The following ATXN3 variants were observed in gnomAD, a reference collection of about 807,000 sequenced individuals.
The protein encoded by ATXN3 is ataxin-3.
Under a neutral mutation model 58.2 loss-of-function variants are expected in ATXN3, and 28 were observed. That is an observed-to-expected ratio of 0.48 (90% confidence interval 0.36 to 0.66). ATXN3 has a LOEUF of 0.66. Ranked by LOEUF, ATXN3 falls within the 30% of genes least tolerant of loss-of-function variation. The pLI, the probability that ATXN3 is intolerant of heterozygous loss-of-function variation, is 0.00. For missense variants in ATXN3, 321 were observed against 422.1 expected (o/e 0.76, Z 2.10); for synonymous variants, 113 against 138.5 (o/e 0.82, Z 1.29).
intron 1 of ATXN3, among the ~76,000 whole-genome samples, chr14:92,100,155 T>C (rs1438891473): frequency 6.6e-6 from 1 of 152,208 alleles, no homozygotes; most frequent in Non-Finnish European, 1.5e-5. Context: ...AACTGTTGTA[T>C]ACTACTGATG....
chr14:92,104,803 A>T (rs1010694658), intron 1 of ATXN3, among the ~76,000 whole-genome samples: 3 of 151,846 alleles, frequency 2.0e-5, no homozygotes, highest in Non-Finnish European at 4.4e-5. Flanking sequence ...GGCGCCTGTA[A>T]TCTCAGCTAC....
chr14:92,096,725 C>T lies in ATXN3; in HGVS notation c.138G>A (p.Met46Ile). 6.2e-7 allele frequency: 1 copy of T among 1,613,986 alleles called. No homozygotes were observed. Among genetic ancestry groups the T allele is most frequent in the Non-Finnish European group, 8.5e-7 (1 of 1,179,954 alleles). The stretch of plus-strand genomic sequence containing the variant: ...TAGTAACTCCTCCTTCTGCCATTCT[C>T]ATCCTCTCCTCCTCATCCAGCTGAT... Reference protein sequence around the residue: ...IAHQLDEEERMRMAEGGVTSE... With the variant: ...IAHQLDEEERIRMAEGGVTSE... The change falls in exon 2 of 11, where the codon ATG becomes ATA. Residue 46 changes from methionine to isoleucine, a missense_variant. Physicochemically the swap from Met to Ile is conservative, Grantham distance 10. Transcript: ENST00000644486.
chr14:92,090,485 G>A (rs150736485), intron 5 of ATXN3: 1 of 152,196 alleles, frequency 6.6e-6, no homozygotes, highest in East Asian at 1.9e-4. Flanking sequence ...TAAAGTTAAC[G>A]ATCAATATCA....
Position 92,071,072 on chromosome 14 carries a change from A to C in ATXN3, c.873-19T>G. The C allele has an allele frequency of 8.5e-7, 1 of 1,175,336 alleles. No homozygotes were observed. The highest frequency in any genetic ancestry group is 2.6e-4 in the Middle Eastern group (1 of 3,876). The allele number at this position is 1,175,336 out of a possible 1,614,324, so 72.8% of individuals were successfully genotyped here. A position where few individuals can be genotyped will look rare whatever the true frequency, so the allele number is the denominator to read the frequency against. ...CTGCTGTCTGAAACATTCAAAAGTGAAGTATATTTAAAAAACAAAACTTAA... is the reference window on the plus strand; with the variant it reads ...CTGCTGTCTGAAACATTCAAAAGTGCAGTATATTTAAAAAACAAAACTTAA... On this transcript the variant is annotated intron_variant, in intron 9 of 10. Transcript: ENST00000644486.
intron 3 of ATXN3, among the ~76,000 whole-genome samples, chr14:92,094,177 T>C (rs2064617901): frequency 6.6e-6 from 1 of 152,108 alleles, no homozygotes; most frequent in Non-Finnish European, 1.5e-5. Flanking sequence ...CCTGACCTTG[T>C]GATCCACCCG....
At chr14:92,104,922 CAA>C (rs11308589) in intron 1 of ATXN3, among the ~76,000 whole-genome samples, 28,482 of 124,696 alleles carry the variant, frequency 0.23, 3,058 homozygotes, top group Admixed American at 0.33. Context: ...AACTCCATCT[CAA>C]AAAAAAAAAA....
chr14:92,081,542 A>G (rs1302320662), intron 8 of ATXN3, among the ~76,000 whole-genome samples: 1 of 151,684 alleles, frequency 6.6e-6, no homozygotes, highest in African/African-American at 2.4e-5. Context: ...CTGCTAATCC[A>G]GCAGGACTCT....
At chr14:92,082,061 T>C (rs1217744859) in intron 8 of ATXN3, among the ~76,000 whole-genome samples, 1 of 152,246 alleles carries the variant, frequency 6.6e-6, no homozygotes, top group African/African-American at 2.4e-5. Context: ...ATTGTGTTAG[T>C]ACAGTGTTGA....
At chr14:92,077,693 T>C (rs970652197) in intron 9 of ATXN3, 2 of 150,826 alleles carry the variant, frequency 1.3e-5, no homozygotes, top group African/African-American at 4.9e-5. Context: ...TCACCCAGGA[T>C]AGAGTGCAGT....
chr14:92,047,000 A>G (rs2057430853), intron 2 of ATXN3, among the ~76,000 whole-genome samples: 1 of 152,238 alleles, frequency 6.6e-6, no homozygotes, highest in Admixed American at 6.5e-5. Flanking sequence ...ATATTGAATA[A>G]GGTGAGAAGC....
At chr14:92,088,858 A>C in intron 5 of ATXN3, 41 bp from the exon 6 acceptor site, 4 of 1,137,654 alleles carry the variant, frequency 3.5e-6, no homozygotes, top group Non-Finnish European at 5.3e-6. Context: ...TGTATATTAT[A>C]GGTAATAAGG....
At chr14:92,054,306 G>T (rs1478515151), downstream of ATXN3, among the ~76,000 whole-genome samples, 1 of 152,168 alleles carries the variant, frequency 6.6e-6, no homozygotes. Context: ...AGATGGTTAA[G>T]GCATTCTAAG....
intron 3 of ATXN3, among the ~76,000 whole-genome samples, chr14:92,095,271 G>A (rs1211105736): frequency 6.6e-6 from 1 of 152,022 alleles, no homozygotes; most frequent in Non-Finnish European, 1.5e-5. Flanking sequence ...TTGAGATGGA[G>A]TCTCGCTCTG....
chr14:92,046,015 A>G (rs1382947785), intron 2 of ATXN3, among the ~76,000 whole-genome samples: 1 of 152,170 alleles, frequency 6.6e-6, no homozygotes, highest in Non-Finnish European at 1.5e-5. Flanking sequence ...AGCGGCCTTG[A>G]GAAGAGTTTT....
rs2065215053 is a variant in ATXN3, at chr14:92,096,253, A to C, written c.190-116T>G. 7 of 1,594,794 alleles carry C rather than the reference A, an allele frequency of 4.4e-6. No individual in the cohort carries two copies. In the South Asian group the frequency reaches 6.7e-5, roughly 15 times the overall value. On this transcript the variant is annotated intron_variant, in intron 2 of 10. Transcript: ENST00000644486. ...TTGTGCATTCCCATTTCCAAAGTTA[A>C]CAGCACAGTTATAATTCACCAGTCA...
At chr14:92,071,131 A>G (rs963867571) in intron 9 of ATXN3, 78 bp from the exon 10 acceptor site, 73 of 1,517,340 alleles carry the variant, frequency 4.8e-5, no homozygotes, top group Middle Eastern at 3.4e-4. Flanking sequence ...AACTATTCAT[A>G]AGGAAAATAC....
rs778200373 is a variant in ATXN3, at chr14:92,070,973, C to G, written c.953G>C (p.Arg318Thr). Residue 318 changes from arginine (R) to threonine (T), a missense_variant, in exon 10 of 11, where the codon AGG (arginine) becomes ACG (threonine). By Grantham distance (71) the Arg-to-Thr change is moderately conservative. Around this residue, in one of 2 missense-constraint regions of ATXN3, gnomAD observed 200 missense variants for 223.2 expected, o/e 0.90. Transcript: ENST00000644486. ...AAGTGCTCCTGAACTGGTGGCTGGC[C>G]TTTCACATGGATGTGAACTCTGTCC... ...LSGQSSHPCE[R>T]PATSSGALGS... is the part of the protein sequence containing the mutation. 3.9e-5 allele frequency: 50 copies of G among 1,288,208 alleles called. No individual in the cohort carries two copies. The highest frequency in any genetic ancestry group is 4.9e-5 in the Non-Finnish European group (49 of 1,005,832). The allele number at this position is 1,288,208 out of a possible 1,614,324, so 79.8% of individuals were successfully genotyped here.
intron 9 of ATXN3, among the ~76,000 whole-genome samples, chr14:92,076,477 C>T (rs1377480737): frequency 6.8e-6 from 1 of 147,294 alleles, no homozygotes; most frequent in Non-Finnish European, 1.5e-5. Flanking sequence ...AAAAAAAGCT[C>T]AATTTGTTGG....
chr14:92,079,803 T>G (rs762259956), intron 9 of ATXN3, among the ~76,000 whole-genome samples: 16 of 152,216 alleles, frequency 1.1e-4, no homozygotes, highest in Non-Finnish European at 1.6e-4. Flanking sequence ...AATGGCGTTA[T>G]CTCAGCTCAC....
Sources: allele counts gnomAD v4.1 joint callset (sites outside exome capture counted in the v4.1 genomes callset), GRCh38; gene constraint gnomAD v4.1.1; regional missense constraint gnomAD v4.1.1; transcripts MANE v1.5; gene names NCBI Gene and HGNC (gene_info 2026-07-23, HGNC 2026-07-21).